The following ACBD6 variants were observed in gnomAD, a reference collection of about 807,000 sequenced individuals.
ACBD6 encodes the protein acyl-CoA binding domain containing 6, also known as acyl-CoA-binding domain-containing protein 6.
Under a neutral mutation model 37.2 loss-of-function variants are expected in ACBD6, and 28 were observed. The observed-to-expected ratio is 0.75, with a 90% CI of 0.56 to 1.03. ACBD6 has a LOEUF of 1.03. ACBD6 is among the 50% of genes least tolerant of loss of function. The pLI is 0.00. For missense variants in ACBD6, 340 were observed against 337.4 expected, an observed-to-expected ratio of 1.01 and a Z score of -0.06; for synonymous variants, 113 against 126.8, an observed-to-expected ratio of 0.89 and a Z score of 0.73.
chr1:180,389,926 C>T (rs917214441), intron 6 of ACBD6, among the ~76,000 whole-genome samples: 108 of 151,954 alleles, frequency 7.1e-4, no homozygotes, highest in African/African-American at 2.3e-3. Context: ...GAGTAGGTTG[C>T]GAAAATTTTC....
Position 180,393,102 on chromosome 1 carries a change from G to A in ACBD6, c.663+4414C>T, listed in dbSNP as rs1351625472. ...CAGAGAAGGGTGTGTGTGTGTGCGT[G>A]CGCACGCCCGTAAGCCATATCCTAA... On this transcript the variant is annotated intron_variant, in intron 6 of 7. Coordinates refer to ENST00000367595, the MANE Select transcript of ACBD6 (RefSeq NM_032360.4). 2.6e-5 allele frequency among the ~76,000 whole-genome samples: 4 copies of A among 152,306 alleles called. No homozygotes were observed. In the East Asian group the frequency reaches 5.8e-4, roughly 22 times the overall value.
intron 6 of ACBD6, among the ~76,000 whole-genome samples, chr1:180,332,624 G>C (rs533127721): frequency 1.3e-5 from 2 of 151,856 alleles, no homozygotes; most frequent in African/African-American, 2.4e-5. Flanking sequence ...CCCCTAGATG[G>C]GACCATCTAG....
At chr1:180,272,755 T>A (rs1409660240) in intron 12 of ACBD6, 2 of 152,238 alleles carry the variant, frequency 1.3e-5, no homozygotes, top group African/African-American at 4.8e-5. Context: ...CCAGTGCAGC[T>A]CTGTCAAATC....
chr1:180,494,626 G>A (rs1325843563), intron 2 of ACBD6, among the ~76,000 whole-genome samples: 1 of 152,094 alleles, frequency 6.6e-6, no homozygotes, highest in African/African-American at 2.4e-5. Flanking sequence ...ATTTTATGTG[G>A]GACTGCTCTA....
At chr1:180,501,921 A>AC (rs1651997031) in intron 1 of ACBD6, 124 bp downstream of exon 1, 1 of 959,278 alleles carries the variant, frequency 1.0e-6, no homozygotes, top group Non-Finnish European at 1.6e-6. Context: ...AAAAAAAACA[A>AC]AACAAAATAC....
At chr1:180,413,225 A>G (rs904451252) in intron 5 of ACBD6, 141 bp downstream of exon 5, 5 of 701,590 alleles carry the variant, frequency 7.1e-6, no homozygotes, top group Non-Finnish European at 1.3e-5. Context: ...ACTAGGTAAC[A>G]CCATCTCATT....
chr1:180,402,572 A>G (rs1041852619), intron 5 of ACBD6, among the ~76,000 whole-genome samples: 2 of 152,170 alleles, frequency 1.3e-5, no homozygotes, highest in Non-Finnish European at 2.9e-5. Flanking sequence ...TAGTCCCAGT[A>G]TTTTGGAAGG....
intron 6 of ACBD6, among the ~76,000 whole-genome samples, chr1:180,372,380 G>T (rs1450082931): frequency 6.6e-6 from 1 of 152,030 alleles, no homozygotes; most frequent in African/African-American, 2.4e-5. Flanking sequence ...ATATCAGTAT[G>T]CACCTAAAAA....
chr1:180,277,782 A>G (rs1252718609), intron 9 of ACBD6: 1 of 152,002 alleles, frequency 6.6e-6, no homozygotes, highest in Non-Finnish European at 1.5e-5. Context: ...ATCATTGATA[A>G]CACTGTTCCT....
chr1:180,472,797 T>G (rs1650620614), intron 3 of ACBD6, among the ~76,000 whole-genome samples: 1 of 152,170 alleles, frequency 6.6e-6, no homozygotes, highest in African/African-American at 2.4e-5. Flanking sequence ...TTGTAAGACT[T>G]CAGCAAGAAA....
chr1:180,453,533 G>A (rs1476334222), intron 3 of ACBD6, among the ~76,000 whole-genome samples: 1 of 152,220 alleles, frequency 6.6e-6, no homozygotes, highest in South Asian at 2.1e-4. Flanking sequence ...CATAGTAGTG[G>A]AAGTTCTGGC....
intron 5 of ACBD6, among the ~76,000 whole-genome samples, chr1:180,408,971 A>C (rs1269097673): frequency 6.6e-6 from 1 of 152,096 alleles, no homozygotes; most frequent in Non-Finnish European, 1.5e-5. Context: ...AGCCTGGCCA[A>C]CATGGTGAAA....
At chr1:180,370,252 G>A (rs1418103) in intron 6 of ACBD6, among the ~76,000 whole-genome samples, 145,437 of 152,288 alleles carry the variant, frequency 0.96, 69,511 homozygotes, top group African/African-American at 0.99. Flanking sequence ...TTAGAGGAAA[G>A]GGAGTGAGGT....
intron 6 of ACBD6, among the ~76,000 whole-genome samples, chr1:180,330,376 T>C (rs1351039176): frequency 2.0e-5 from 3 of 151,426 alleles, no homozygotes; most frequent in African/African-American, 7.3e-5. Context: ...GCCATGATTA[T>C]ACCACTGCAC....
chr1:180,383,168 A>G (rs1653724739), intron 6 of ACBD6, among the ~76,000 whole-genome samples: 1 of 152,166 alleles, frequency 6.6e-6, no homozygotes, highest in African/African-American at 2.4e-5. Flanking sequence ...CCTATTCAAC[A>G]CAGTACTGGA....
At chr1:180,477,604 C>T (rs1446301970) in intron 3 of ACBD6, among the ~76,000 whole-genome samples, 1 of 151,952 alleles carries the variant, frequency 6.6e-6, no homozygotes, top group East Asian at 1.9e-4. Context: ...AAATAATCTC[C>T]TTATAATTTA....
chr1:180,319,506 A>G (rs977952048), intron 6 of ACBD6, among the ~76,000 whole-genome samples: 2 of 152,116 alleles, frequency 1.3e-5, no homozygotes, highest in Non-Finnish European at 2.9e-5. Flanking sequence ...AAGCAATCCA[A>G]TTGTGCTTTT....
At chr1:180,327,578 G>T (rs886781010) in intron 6 of ACBD6, among the ~76,000 whole-genome samples, 1 of 152,186 alleles carries the variant, frequency 6.6e-6, no homozygotes, top group Non-Finnish European at 1.5e-5. Flanking sequence ...ACAATTGGTG[G>T]AGGGGCCTAT....
At chr1:180,467,288 C>CA (rs1390251851) in intron 3 of ACBD6, among the ~76,000 whole-genome samples, 1 of 150,520 alleles carries the variant, frequency 6.6e-6, no homozygotes, top group African/African-American at 2.4e-5. Context: ...ATTCAACATG[C>CA]AAAAAAATTT....
Sources: gnomAD v4.1 joint callset for allele counts (sites outside exome capture counted in the v4.1 genomes callset) on GRCh38, gnomAD v4.1.1 for gene constraint, MANE v1.5 for transcripts, NCBI Gene and HGNC (gene_info 2026-07-23, HGNC 2026-07-21) for gene names.